Variants in PALLD observed in about 807,000 individuals in gnomAD.
PALLD encodes the protein palladin.
A neutral mutation model predicts 123.5 loss-of-function variants in PALLD; 61 were observed. That is an observed-to-expected ratio of 0.49 (90% CI 0.40 to 0.61). The LOEUF (loss-of-function observed/expected upper bound fraction) is 0.61. Among genes scored for constraint, PALLD ranks in the 20% least tolerant of loss-of-function variants. The probability of loss-of-function intolerance (pLI) is 0.00; values close to 1 mark genes in which losing one functional copy is unlikely to be tolerated. For synonymous variants in PALLD, 465 were observed against 496.4 expected (o/e 0.94, Z 0.84); for missense variants, 1,273 against 1,377.0 (o/e 0.92, Z 1.20).
intron 2 of PALLD, among the ~76,000 whole-genome samples, chr4:168,581,625 C>T (rs976785546): frequency 7.2e-5 from 11 of 151,888 alleles, no homozygotes; most frequent in Non-Finnish European, 1.5e-4. Context: ...ACTCAGTAAA[C>T]TCAACTGAAT....
At chr4:168,824,133 T>C (rs888428664) in intron 10 of PALLD, among the ~76,000 whole-genome samples, 2 of 152,226 alleles carry the variant, frequency 1.3e-5, no homozygotes, top group African/African-American at 4.8e-5. Context: ...AAAATTGAGG[T>C]AATGATTTAC....
intron 3 of PALLD, among the ~76,000 whole-genome samples, chr4:168,670,734 C>A (rs1291089384): frequency 1.9e-5 from 2 of 107,740 alleles, no homozygotes; most frequent in African/African-American, 4.3e-5. Flanking sequence ...AGCGAGACTC[C>A]GTCTCAAAAA....
At chr4:168,785,846 G>GAGAGATATATATATATAT (rs764117358) in intron 10 of PALLD, among the ~76,000 whole-genome samples, 3 of 80,898 alleles carry the variant, frequency 3.7e-5, no homozygotes, top group Admixed American at 1.3e-4. Flanking sequence ...AAACTGTAGA[G>GAGAGATATATATATATAT]ATATATATAT....
intron 17 of PALLD, among the ~76,000 whole-genome samples, chr4:168,921,195 C>A (rs1037795722): frequency 2.0e-5 from 3 of 152,004 alleles, no homozygotes; most frequent in Non-Finnish European, 2.9e-5. Flanking sequence ...CACCTGAGGT[C>A]AGGAGTTCAA....
At chr4:168,710,070 A>C (rs1041887583) in intron 9 of PALLD, among the ~76,000 whole-genome samples, 1 of 152,174 alleles carries the variant, frequency 6.6e-6, no homozygotes, top group East Asian at 1.9e-4. Context: ...CTTCTTGTAT[A>C]AAATGTAATA....
In PALLD at chr4:168,638,979, C is replaced by G. The variant is rs1356341997; in HGVS notation, c.909-29211C>G. Reference sequence around the variant, plus strand: ...TCCACACATTCCTCTTTGGAACATCCTACATTCTCTTCCCCACCTTTCTCT... The same window carrying G: ...TCCACACATTCCTCTTTGGAACATCGTACATTCTCTTCCCCACCTTTCTCT... On this transcript the variant is annotated intron_variant, in intron 2 of 21. Transcript: ENST00000505667. Among the ~76,000 whole-genome samples the G allele has an allele frequency of 3.9e-5, 6 of 152,258 alleles. No individual in the cohort carries two copies. The East Asian group carries it at 9.7e-4, about 25-fold the overall frequency.
At position 168,512,042 on chromosome 4, in the gene PALLD, A is replaced by C; in HGVS notation, c.538A>C (p.Thr180Pro). The change falls in exon 2 of 22, where the codon ACA (threonine) becomes CCA (proline). Residue 180 changes from threonine to proline, a missense_variant. Thr to Pro is a conservative substitution (Grantham distance 38). This residue lies in a region of PALLD where 944 missense variants were observed against 954.5 expected (regional missense o/e 0.99). Coordinates refer to ENST00000505667, the MANE Select transcript of PALLD (RefSeq NM_001166108.2). ...DKAANLIEELTSIFKAAKPRN... is the reference protein window; with the variant it reads ...DKAANLIEELPSIFKAAKPRN... ...GGCAGCTAATTTAATTGAGGAGCTAACATCCATATTTAAAGCCGCAAAGCC... is the reference window on the plus strand; with the variant it reads ...GGCAGCTAATTTAATTGAGGAGCTACCATCCATATTTAAAGCCGCAAAGCC... The C allele has an allele frequency of 6.2e-7, 1 of 1,614,232 alleles. No homozygotes were observed. Among genetic ancestry groups the C allele is most frequent in the South Asian group, 1.1e-5 (1 of 91,086 alleles).
rs180699091 is a variant in PALLD at position 168,536,577 on chromosome 4, G to C, written c.908+24165G>C. 2.7e-5 allele frequency: 4 copies of C among 150,506 alleles called. No homozygotes were observed. In the East Asian group the frequency reaches 5.8e-4, roughly 22 times the overall value. The allele number at this position is 150,506 out of a possible 1,614,324, so 9.3% of individuals were successfully genotyped here. On this transcript the variant is annotated intron_variant, in intron 2 of 21. Coordinates refer to ENST00000505667, the MANE Select transcript of PALLD (RefSeq NM_001166108.2). ...ATGGCGGAAGGCAAAGGGAAAGCAA[G>C]ACACCTTCCACACAACGCAGCACAA...
In PALLD at chr4:168,668,075, T is replaced by A. The variant is rs1392482476; in HGVS notation, c.909-115T>A. 5 of 825,000 alleles carry A rather than the reference T, an allele frequency of 6.1e-6. No homozygotes were observed. In the African/African-American group the frequency reaches 8.4e-5, roughly 14 times the overall value. 51.1% of individuals were successfully genotyped at this position (825,000 alleles called of 1,614,324 possible). On this transcript the variant is annotated intron_variant, in intron 2 of 21. Coordinates refer to ENST00000505667, the MANE Select transcript of PALLD (RefSeq NM_001166108.2). ...AGTAACACTGACATTGTTTTTTTTT[T>A]AATCAAACAAACATCATTTTGCATA...
intron 2 of PALLD, among the ~76,000 whole-genome samples, chr4:168,531,269 A>T (rs1004135695): frequency 1.3e-5 from 2 of 152,184 alleles, no homozygotes; most frequent in African/African-American, 2.4e-5. Flanking sequence ...TAAGTAGACT[A>T]GCTATAAATT....
Position 168,768,460 on chromosome 4 carries a change from CA to C in PALLD, c.1964+56540del, listed in dbSNP as rs543012373. Reference sequence around the variant, plus strand: ...CAAGATGAAGGATAGAGGGAAGAAACAAAGATATGTTCTATTTAGTAGGTTC... The same window carrying C: ...CAAGATGAAGGATAGAGGGAAGAAACAAGATATGTTCTATTTAGTAGGTTC... On this transcript the variant is annotated intron_variant, in intron 10 of 21. Transcript: ENST00000505667. Among the ~76,000 whole-genome samples, 833 of 152,212 alleles carry C rather than the reference CA, an allele frequency of 5.5e-3. 2 individuals are homozygous for C. The highest frequency in any genetic ancestry group is 9.9e-3 in the Non-Finnish European group (671 of 68,006).
chr4:168,523,270 G>A (rs1256497170), intron 2 of PALLD, among the ~76,000 whole-genome samples: 1 of 148,384 alleles, frequency 6.7e-6, no homozygotes, highest in Non-Finnish European at 1.5e-5. Flanking sequence ...GAGGAAGGGA[G>A]GAAGGAGGGG....
chr4:168,542,504 T>C (rs1765715372), intron 2 of PALLD, among the ~76,000 whole-genome samples: 1 of 151,618 alleles, frequency 6.6e-6, no homozygotes, highest in South Asian at 2.1e-4. Flanking sequence ...TGAAGTACTT[T>C]GTTGAGTGCT....
intron 6 of PALLD, among the ~76,000 whole-genome samples, chr4:168,686,880 G>A (rs1453582794): frequency 2.0e-5 from 3 of 152,300 alleles, no homozygotes; most frequent in East Asian, 1.9e-4. Context: ...ATAGCAAGAC[G>A]TTTTAAAGGT....
chr4:168,743,388 A>G (rs1788553792), intron 10 of PALLD, among the ~76,000 whole-genome samples: 1 of 152,134 alleles, frequency 6.6e-6, no homozygotes, highest in Non-Finnish European at 1.5e-5. Context: ...TAAGACAGAA[A>G]CTTAATATGG....
chr4:168,611,174 G>A (rs746201100), intron 2 of PALLD, among the ~76,000 whole-genome samples: 6 of 152,070 alleles, frequency 3.9e-5, no homozygotes, highest in Non-Finnish European at 5.9e-5. Context: ...TCTGGTTCTG[G>A]GGTCTACTCC....
chr4:168,698,149 T>C (rs1334137341), intron 8 of PALLD, among the ~76,000 whole-genome samples: 2 of 152,190 alleles, frequency 1.3e-5, no homozygotes, highest in African/African-American at 2.4e-5. Context: ...TTCTTACTTA[T>C]TTGTGTGATC....
intron 10 of PALLD, among the ~76,000 whole-genome samples, chr4:168,725,522 C>CTTTTTTTT (rs1210834634): frequency 1.5e-4 from 14 of 91,652 alleles, no homozygotes; most frequent in Non-Finnish European, 2.3e-4. Flanking sequence ...TCTTTAATTT[C>CTTTTTTTT]TTTTTTTTTT....
chr4:168,694,634 A>G (rs1782968368), intron 8 of PALLD, among the ~76,000 whole-genome samples: 1 of 152,238 alleles, frequency 6.6e-6, no homozygotes, highest in Admixed American at 6.5e-5. Flanking sequence ...GTACCTAGAT[A>G]TAGCCCCATT....
Sources: allele counts gnomAD v4.1 joint callset (sites outside exome capture counted in the v4.1 genomes callset), GRCh38; gene constraint gnomAD v4.1.1; regional missense constraint gnomAD v4.1.1; transcripts MANE v1.5; gene names NCBI Gene and HGNC (gene_info 2026-07-23, HGNC 2026-07-21).